COL5A2: variants seen among roughly 807,000 people sequenced by gnomAD.
COL5A2 encodes the protein collagen type V alpha 2 chain, also known as collagen alpha-2(V) chain.
COL5A2 carries 23 observed loss-of-function variants against 208.2 expected under a neutral mutation model. That is an observed-to-expected ratio of 0.11 (90% CI 0.08 to 0.16). The LOEUF is 0.16. Among genes scored for constraint, COL5A2 ranks in the 10% least tolerant of loss-of-function variants. The probability of loss-of-function intolerance (pLI) is 1.00; values close to 1 mark genes in which losing one functional copy is unlikely to be tolerated. For synonymous variants in COL5A2, 625 were observed against 628.5 expected (o/e 0.99, Z 0.08); for missense variants, 1,590 against 1,956.4 (o/e 0.81, Z 3.53).
At chr2:189,127,502 A>T (rs1687629685) in intron 1 of COL5A2, among the ~76,000 whole-genome samples, 1 of 152,058 alleles carries the variant, frequency 6.6e-6, no homozygotes, top group Non-Finnish European at 1.5e-5. Context: ...CAGAAAACCT[A>T]GGCTTTTTTA....
At chr2:189,277,888 C>T in the COL5A2 span, among the ~76,000 whole-genome samples, 1 of 152,198 alleles carries the variant, frequency 6.6e-6, no homozygotes, top group African/African-American at 2.4e-5. Flanking sequence ...TTTCTTTTCC[C>T]TTCAGGAAAA....
the COL5A2 span, among the ~76,000 whole-genome samples, chr2:189,323,245 C>T: frequency 3.9e-4 from 60 of 152,242 alleles, no homozygotes; most frequent in South Asian, 0.012. Context: ...GGAGCATTCC[C>T]TTTGAAAACT....
chr2:189,193,418 T>A (rs1437502139), intron 1 of COL5A2, among the ~76,000 whole-genome samples: 1 of 152,252 alleles, frequency 6.6e-6, no homozygotes, highest in Non-Finnish European at 1.5e-5. Flanking sequence ...AAATACTATT[T>A]ATTTACCACT....
chr2:189,087,950 T>A (rs1686700761), intron 8 of COL5A2, among the ~76,000 whole-genome samples: 1 of 152,170 alleles, frequency 6.6e-6, no homozygotes, highest in South Asian at 2.1e-4. Context: ...CTAGTAACTT[T>A]AAAAATATAC....
At chr2:189,205,745 C>T (rs745632145) in intron 1 of COL5A2, among the ~76,000 whole-genome samples, 2 of 151,898 alleles carry the variant, frequency 1.3e-5, no homozygotes, top group Non-Finnish European at 2.9e-5. Flanking sequence ...TCTTGTGATT[C>T]CTATAGTAAT....
the COL5A2 span, among the ~76,000 whole-genome samples, chr2:189,244,385 T>C: frequency 1.3e-5 from 2 of 152,174 alleles, no homozygotes; most frequent in East Asian, 3.9e-4. Context: ...AAATCATCTC[T>C]CTCAAGTTCA....
intron 50 of COL5A2, 146 bp from the exon 51 acceptor site, chr2:189,039,709 T>C (rs1421031876): frequency 1.4e-6 from 1 of 712,712 alleles, no homozygotes; most frequent in Non-Finnish European, 2.3e-6. Context: ...TGTAACTAGA[T>C]GGGGGTGGTC....
At chr2:189,265,546 T>A in the COL5A2 span, among the ~76,000 whole-genome samples, 1 of 152,144 alleles carries the variant, frequency 6.6e-6, no homozygotes, top group Non-Finnish European at 1.5e-5. Context: ...TAAGACCTCA[T>A]CTCAACTTAA....
At chr2:189,186,014 T>TC (rs369757376) in intron 1 of COL5A2, among the ~76,000 whole-genome samples, 115 of 152,232 alleles carry the variant, frequency 7.6e-4, no homozygotes, top group African/African-American at 2.7e-3. Flanking sequence ...ACCATAATTT[T>TC]TTTTTTTTTC....
rs181976531 is a variant in COL5A2, at chr2:189,178,472, G to A, written c.97+1036C>T. Among the ~76,000 whole-genome samples the A allele has an allele frequency of 5.9e-5, 9 of 151,986 alleles. No individual in the cohort carries two copies. In the East Asian group the frequency reaches 1.7e-3, roughly 29 times the overall value. ...AATGTCCAAAGTTTTAAAAGCTTGAGTTTGATGTTACATGGTTGAGTTGAT... is the reference window on the plus strand; with the variant it reads ...AATGTCCAAAGTTTTAAAAGCTTGAATTTGATGTTACATGGTTGAGTTGAT... On this transcript the variant is annotated intron_variant, in intron 1 of 53. Transcript: ENST00000374866.
intron 3 of COL5A2, among the ~76,000 whole-genome samples, chr2:189,101,878 G>A (rs1050614629): frequency 1.3e-5 from 2 of 151,958 alleles, no homozygotes; most frequent in Non-Finnish European, 2.9e-5. Context: ...CCTACACAAA[G>A]CCTAGGACAA....
chr2:189,051,611 A>C (rs1685790982), intron 41 of COL5A2, 130 bp from the exon 42 acceptor site: 1 of 730,930 alleles, frequency 1.4e-6, no homozygotes, highest in African/African-American at 1.8e-5. Flanking sequence ...TTAGATAATC[A>C]GTCATTCTAT....
intron 1 of COL5A2, among the ~76,000 whole-genome samples, chr2:189,133,713 C>T (rs1021085831): frequency 1.3e-5 from 2 of 152,042 alleles, no homozygotes; most frequent in African/African-American, 4.8e-5. Context: ...TGAGAAGGGT[C>T]CATCCTTACG....
chr2:189,307,543 C>T, the COL5A2 span, among the ~76,000 whole-genome samples: 1 of 152,166 alleles, frequency 6.6e-6, no homozygotes, highest in Middle Eastern at 3.4e-3. Context: ...CTATAACAAA[C>T]AATATCTCAG....
At chr2:189,080,137 T>A (rs1397221604) in intron 13 of COL5A2, 106 bp from the exon 14 acceptor site, 1 of 827,130 alleles carries the variant, frequency 1.2e-6, no homozygotes, top group African/African-American at 1.7e-5. Context: ...AAAATGAATA[T>A]CAAATTTAAA....
intron 1 of COL5A2, among the ~76,000 whole-genome samples, chr2:189,209,393 AAAT>A (rs923714800): frequency 8.5e-5 from 13 of 152,340 alleles, no homozygotes; most frequent in African/African-American, 3.1e-4. Context: ...TAAATGATAA[AAAT>A]AATAATATCT....
At chr2:189,379,295 T>C in the COL5A2 span, among the ~76,000 whole-genome samples, 1 of 152,232 alleles carries the variant, frequency 6.6e-6, no homozygotes, top group Non-Finnish European at 1.5e-5. Flanking sequence ...GTAGTTTTAC[T>C]GAAATTCCTA....
rs59784139 is a variant in COL5A2, at chr2:189,119,472, C to T, written c.98-9023G>A. 8.2e-3 allele frequency among the ~76,000 whole-genome samples: 1,243 copies of T among 152,164 alleles called. 17 individuals carry two copies. The highest frequency in any genetic ancestry group is 0.029 in the African/African-American group (1,186 of 41,530). On this transcript the variant is annotated intron_variant, in intron 1 of 53. Coordinates refer to ENST00000374866, the MANE Select transcript of COL5A2 (RefSeq NM_000393.5). ...TCCATGTGCTTCTAAGGAGAAGTTG[C>T]TATTTTCCTTAACAAGTAAACATGG... is the stretch of plus-strand genomic sequence containing the variant.
At chr2:189,389,343 T>C in the COL5A2 span, among the ~76,000 whole-genome samples, 4 of 152,196 alleles carry the variant, frequency 2.6e-5, no homozygotes, top group African/African-American at 9.6e-5. Flanking sequence ...AAGCTTAAGT[T>C]ACATTACTGG....
Sources: allele counts gnomAD v4.1 joint callset (sites outside exome capture counted in the v4.1 genomes callset), GRCh38; gene constraint gnomAD v4.1.1; transcripts MANE v1.5; gene names NCBI Gene and HGNC (gene_info 2026-07-23, HGNC 2026-07-21).